The following GABRA3 variants were observed in gnomAD, a reference collection of about 807,000 sequenced individuals.
The protein encoded by GABRA3 is gamma-aminobutyric acid receptor subunit alpha-3.
A neutral mutation model predicts 30.1 loss-of-function variants in GABRA3; 10 were observed. That is an observed-to-expected ratio of 0.33 (90% CI 0.20 to 0.56). The LOEUF is 0.56. Ranked by LOEUF, GABRA3 falls within the 20% of genes least tolerant of loss-of-function variation. The pLI is 0.89. For missense variants in GABRA3, 233 were observed against 392.0 expected, an observed-to-expected ratio of 0.59 and a Z score of 3.42; for synonymous variants, 151 against 146.8, an observed-to-expected ratio of 1.03 and a Z score of -0.21.
intron 2 of GABRA3, among the ~76,000 whole-genome samples, chrX:152,347,988 C>A (rs1201487661): frequency 1.8e-5 from 2 of 111,320 alleles, no homozygotes; most frequent in Non-Finnish European, 3.8e-5. Context: ...CAGAGCAAGA[C>A]CCTGTCTAAA....
chrX:152,180,003 A>T (rs983727056), intron 9 of GABRA3, among the ~76,000 whole-genome samples: 5 of 112,135 alleles, frequency 4.5e-5, no homozygotes, highest in Non-Finnish European at 7.5e-5. Flanking sequence ...GGCTTTTGTG[A>T]ATAATGCTGT....
chrX:152,198,098 G>A (rs1007536305), intron 7 of GABRA3, among the ~76,000 whole-genome samples: 2 of 111,945 alleles, frequency 1.8e-5, no homozygotes, highest in African/African-American at 6.5e-5. Context: ...TATGTGATAG[G>A]CACTCATTTA....
intron 5 of GABRA3, among the ~76,000 whole-genome samples, chrX:152,254,680 T>C (rs1056242545): frequency 8.9e-6 from 1 of 111,885 alleles, no homozygotes; most frequent in Non-Finnish European, 1.9e-5. Flanking sequence ...CACCAATAAA[T>C]AGCAAATTTG....
intron 2 of GABRA3, among the ~76,000 whole-genome samples, chrX:152,351,992 G>A (rs1330676967): frequency 9.0e-6 from 1 of 111,353 alleles, no homozygotes; most frequent in Admixed American, 9.6e-5. Context: ...TGTCTTACAT[G>A]AGTGGAATTC....
intron 3 of GABRA3, among the ~76,000 whole-genome samples, chrX:152,312,539 A>G (rs11795549): frequency 0.029 from 3,291 of 112,180 alleles, 50 homozygotes; most frequent in Non-Finnish European, 0.042. Context: ...ACCCTTGAAG[A>G]AAACCTGGGA....
intron 7 of GABRA3, among the ~76,000 whole-genome samples, chrX:152,199,154 C>T (rs951076086): frequency 3.6e-5 from 4 of 110,561 alleles, no homozygotes; most frequent in Admixed American, 1.9e-4. Context: ...ATTACGAGGT[C>T]AGGAGATCGA....
intron 1 of GABRA3, among the ~76,000 whole-genome samples, chrX:152,397,714 T>C (rs1406818798): frequency 1.8e-5 from 2 of 112,290 alleles, no homozygotes; most frequent in South Asian, 3.7e-4. Flanking sequence ...TTTTCTTTTC[T>C]TTCTAATTTT....
chrX:152,227,565 T>G (rs998214937), intron 5 of GABRA3, among the ~76,000 whole-genome samples: 2 of 105,535 alleles, frequency 1.9e-5, no homozygotes, highest in African/African-American at 6.9e-5. Context: ...TAAAAAAAGT[T>G]AAATTGTATA....
chrX:152,374,060 G>A (rs1928919296), intron 1 of GABRA3, among the ~76,000 whole-genome samples: 1 of 111,281 alleles, frequency 9.0e-6, no homozygotes, highest in South Asian at 3.8e-4. Context: ...AATGATCAAT[G>A]ATGTTGAGCA....
At chrX:152,436,517 G>C (rs1203606256) in intron 1 of GABRA3, among the ~76,000 whole-genome samples, 2 of 111,647 alleles carry the variant, frequency 1.8e-5, no homozygotes, top group Admixed American at 9.5e-5. Flanking sequence ...GATGCAGCAT[G>C]TTAGTTTCAA....
intron 4 of GABRA3, among the ~76,000 whole-genome samples, chrX:152,256,504 T>C (rs1467746757): frequency 1.8e-5 from 2 of 111,433 alleles, no homozygotes; most frequent in African/African-American, 6.5e-5. Flanking sequence ...TAATGAAATA[T>C]TATAGATAAA....
At chrX:152,402,502 G>T (rs1462492610) in intron 1 of GABRA3, among the ~76,000 whole-genome samples, 1 of 111,254 alleles carries the variant, frequency 9.0e-6, no homozygotes, top group Non-Finnish European at 1.9e-5. Context: ...AAGATGAATT[G>T]GTCAAACTAG....
intron 6 of GABRA3, among the ~76,000 whole-genome samples, chrX:152,219,862 G>A (rs1038586425): frequency 9.7e-6 from 1 of 102,635 alleles, no homozygotes; most frequent in Non-Finnish European, 1.9e-5. Flanking sequence ...CCCTGAGAGT[G>A]TTCTTCTAAT....
At chrX:152,401,266 G>GTATATA (rs747896105) in intron 1 of GABRA3, among the ~76,000 whole-genome samples, 92 of 97,305 alleles carry the variant, frequency 9.5e-4, no homozygotes, top group African/African-American at 2.9e-3. Flanking sequence ...TTTAATGTGT[G>GTATATA]TATATATATA....
Position 152,315,971 on chromosome X carries a change from ACCC to A in GABRA3, c.262+29607_262+29609del, listed in dbSNP as rs58520094. On this transcript the variant is annotated intron_variant, in intron 3 of 9. Coordinates refer to ENST00000370314, the MANE Select transcript of GABRA3 (RefSeq NM_000808.4). ...TTGGGAGTTTTAGGCCCGCCCCCCG[ACCC>A]CCCCCCCCCCCACCACATGATCCTC... Among the ~76,000 whole-genome samples the A allele has an allele frequency of 3.8e-3, 114 of 29,787 alleles. 6 individuals carry two copies. Among genetic ancestry groups the A allele is most frequent in the African/African-American group, 0.015 (93 of 6,347 alleles). The allele number at this position is 29,787 out of a possible 115,157, so 25.9% of individuals were successfully genotyped here. A position where few individuals can be genotyped will look rare whatever the true frequency, so the allele number is the denominator to read the frequency against.
At chrX:152,359,849 C>A (rs972507872) in intron 2 of GABRA3, among the ~76,000 whole-genome samples, 3 of 111,679 alleles carry the variant, frequency 2.7e-5, no homozygotes, top group South Asian at 3.8e-4. Flanking sequence ...AATATTTGGG[C>A]CATGCTTTTA....
At chrX:152,300,826 T>C (rs1939617736) in intron 3 of GABRA3, among the ~76,000 whole-genome samples, 1 of 111,726 alleles carries the variant, frequency 9.0e-6, no homozygotes, top group South Asian at 3.8e-4. Context: ...ATAGAAATCA[T>C]CCAATATGAG....
intron 5 of GABRA3, among the ~76,000 whole-genome samples, chrX:152,248,825 G>A: frequency 8.9e-6 from 1 of 111,896 alleles, no homozygotes; most frequent in South Asian, 3.7e-4. Context: ...TGGATGTCAA[G>A]TGTTCTCATC....
At chrX:152,224,929 G>T in intron 5 of GABRA3, 84 bp from the exon 6 acceptor site, 4 of 629,013 alleles carry the variant, frequency 6.4e-6, no homozygotes, top group Non-Finnish European at 1.0e-5. Flanking sequence ...CAGTTCCTAA[G>T]AATAACGAGA....
Sources: gnomAD v4.1 joint callset for allele counts (sites outside exome capture counted in the v4.1 genomes callset) on GRCh38, gnomAD v4.1.1 for gene constraint, MANE v1.5 for transcripts, NCBI Gene and HGNC (gene_info 2026-07-23, HGNC 2026-07-21) for gene names.